The following CNTN5 variants were observed in gnomAD, a reference collection of about 807,000 sequenced individuals.
CNTN5 encodes contactin 5.
A neutral mutation model predicts 129.1 loss-of-function variants in CNTN5; 77 were observed. That is an observed-to-expected ratio of 0.60 (90% CI 0.50 to 0.72). CNTN5 has a LOEUF of 0.72. CNTN5 is among the 30% of genes least tolerant of loss of function. The pLI, the probability that CNTN5 is intolerant of heterozygous loss-of-function variation, is 0.00. For missense variants in CNTN5, 1,478 were observed against 1,328.8 expected (o/e 1.11, Z -1.75); for synonymous variants, 509 against 465.6 (o/e 1.09, Z -1.20).
At chr11:99,752,231 C>A (rs373727367) in intron 3 of CNTN5, among the ~76,000 whole-genome samples, 1 of 152,134 alleles carries the variant, frequency 6.6e-6, no homozygotes, top group African/African-American at 2.4e-5. Context: ...ATTGAGGAAG[C>A]GCTTTGTTTT....
At chr11:99,576,009 C>T (rs1159565067) in intron 3 of CNTN5, among the ~76,000 whole-genome samples, 1 of 152,186 alleles carries the variant, frequency 6.6e-6, no homozygotes, top group African/African-American at 2.4e-5. Flanking sequence ...ACAGCTGCAC[C>T]ATTCAGCTAA....
intron 2 of CNTN5, among the ~76,000 whole-genome samples, chr11:99,428,926 A>T (rs1943251406): frequency 6.6e-6 from 1 of 152,100 alleles, no homozygotes; most frequent in African/African-American, 2.4e-5. Flanking sequence ...ATTTTCATTA[A>T]ATCAGTAATA....
chr11:99,795,428 C>T (rs2135455715), intron 3 of CNTN5, among the ~76,000 whole-genome samples: 1 of 152,210 alleles, frequency 6.6e-6, no homozygotes, highest in African/African-American at 2.4e-5. Context: ...TCATTTCAGC[C>T]ATTTCAGCCT....
chr11:99,462,350 CTTTTCTTTTCTTT>C (rs1944735548), intron 2 of CNTN5, among the ~76,000 whole-genome samples: 2 of 109,544 alleles, frequency 1.8e-5, no homozygotes, highest in Non-Finnish European at 3.7e-5. Flanking sequence ...TTCTTTTTTT[CTTTTCTTTTCTTT>C]TTTTTTTTTT....
At chr11:99,152,168 TATG>T (rs1446542289) in intron 1 of CNTN5, among the ~76,000 whole-genome samples, 2 of 152,210 alleles carry the variant, frequency 1.3e-5, no homozygotes, top group African/African-American at 4.8e-5. Flanking sequence ...CTACAGTCAT[TATG>T]ATAATAAACT....
At chr11:99,505,418 A>C (rs1946582449) in intron 2 of CNTN5, among the ~76,000 whole-genome samples, 1 of 152,234 alleles carries the variant, frequency 6.6e-6, no homozygotes, top group Admixed American at 6.5e-5. Context: ...AAGAGTTAGT[A>C]TGCAGGATAA....
intron 14 of CNTN5, among the ~76,000 whole-genome samples, chr11:100,192,908 C>T (rs971811420): frequency 6.6e-5 from 10 of 151,870 alleles, no homozygotes; most frequent in Non-Finnish European, 7.4e-5. Context: ...AAAACAGGTA[C>T]GTTCTTCTGA....
chr11:99,312,963 G>A (rs1445476120), intron 1 of CNTN5, among the ~76,000 whole-genome samples: 1 of 151,824 alleles, frequency 6.6e-6, no homozygotes, highest in African/African-American at 2.4e-5. Context: ...CAAAAATAGT[G>A]GTTTTAATAG....
intron 9 of CNTN5, among the ~76,000 whole-genome samples, chr11:100,046,851 C>T (rs1942707656): frequency 6.6e-6 from 1 of 152,038 alleles, no homozygotes; most frequent in Non-Finnish European, 1.5e-5. Context: ...GGAATGTGAT[C>T]CCTCAGAGAA....
intron 21 of CNTN5, chr11:100,337,500 C>G (rs769743623): frequency 1.6e-5 from 12 of 742,860 alleles, no homozygotes; most frequent in Non-Finnish European, 3.0e-5. Flanking sequence ...CTTTCAGGAT[C>G]TCAAGAACCA....
chr11:99,672,902 T>C (rs1226274924), intron 3 of CNTN5, among the ~76,000 whole-genome samples: 1 of 151,982 alleles, frequency 6.6e-6, no homozygotes, highest in Non-Finnish European at 1.5e-5. Context: ...GGAAGGGAAA[T>C]TTAAGAGTTC....
At chr11:100,025,183 C>A (rs902115615) in intron 9 of CNTN5, among the ~76,000 whole-genome samples, 3 of 152,234 alleles carry the variant, frequency 2.0e-5, no homozygotes, top group Non-Finnish European at 1.5e-5. Flanking sequence ...CCCTGCATCC[C>A]AGCTGTGGCT....
intron 2 of CNTN5, among the ~76,000 whole-genome samples, chr11:99,330,381 A>C (rs1298298767): frequency 1.3e-5 from 2 of 152,150 alleles, no homozygotes; most frequent in African/African-American, 4.8e-5. Context: ...AAGACTAACA[A>C]AGAAAAATGA....
intron 3 of CNTN5, among the ~76,000 whole-genome samples, chr11:99,623,262 G>A (rs1951014075): frequency 6.6e-6 from 1 of 152,050 alleles, no homozygotes; most frequent in Admixed American, 6.6e-5. Flanking sequence ...ATTATGTGGG[G>A]AGTTATTAAC....
chr11:100,157,510 T>TAAA (rs57879098), intron 13 of CNTN5, among the ~76,000 whole-genome samples: 4 of 146,854 alleles, frequency 2.7e-5, no homozygotes, highest in Non-Finnish European at 4.5e-5. Flanking sequence ...CTCAATCTTG[T>TAAA]AAAAAAAAAA....
At chr11:99,364,185 TTG>T (rs1345713331) in intron 2 of CNTN5, among the ~76,000 whole-genome samples, 1 of 151,806 alleles carries the variant, frequency 6.6e-6, no homozygotes, top group African/African-American at 2.4e-5. Flanking sequence ...CATGTGATAA[TTG>T]TGTTTATTTT....
intron 1 of CNTN5, among the ~76,000 whole-genome samples, chr11:99,207,327 A>G (rs1387173149): frequency 6.6e-6 from 1 of 152,158 alleles, no homozygotes; most frequent in Non-Finnish European, 1.5e-5. Flanking sequence ...TACTGTGCTA[A>G]TCTGAAATCA....
chr11:99,481,055 T>A (rs1945578643), intron 2 of CNTN5, among the ~76,000 whole-genome samples: 1 of 152,050 alleles, frequency 6.6e-6, no homozygotes, highest in South Asian at 2.1e-4. Flanking sequence ...GGGTTGAAAA[T>A]TATGCCTATA....
At chr11:99,090,240 C>A (rs1405128776) in intron 1 of CNTN5, among the ~76,000 whole-genome samples, 1 of 151,524 alleles carries the variant, frequency 6.6e-6, no homozygotes, top group Non-Finnish European at 1.5e-5. Context: ...TTTTTTAATG[C>A]GAATTTTTTT....
Sources: allele counts gnomAD v4.1 joint callset (sites outside exome capture counted in the v4.1 genomes callset), GRCh38; gene constraint gnomAD v4.1.1; transcripts MANE v1.5; gene names NCBI Gene and HGNC (gene_info 2026-07-23, HGNC 2026-07-21).